UGT2B4: variants seen among roughly 807,000 people sequenced by gnomAD.
UGT2B4 encodes UDP glucuronosyltransferase family 2 member B4.
In UGT2B4, 49 loss-of-function variants were observed where a neutral mutation model predicts 49.8. The ratio of observed to expected loss-of-function variants is 0.98; its 90% CI spans 0.78 to 1.25. The LOEUF (loss-of-function observed/expected upper bound fraction) is 1.25, where lower values mean the gene tolerates loss of function less well. Ranked by LOEUF, UGT2B4 falls within the 50% of genes most tolerant of loss-of-function variation. The pLI is 0.00. For synonymous variants in UGT2B4, 246 were observed against 217.7 expected, an observed-to-expected ratio of 1.13 and a Z score of -1.14; for missense variants, 729 against 627.7, an observed-to-expected ratio of 1.16 and a Z score of -1.73.
intron 2 of UGT2B4, among the ~76,000 whole-genome samples, chr4:69,491,320 A>G (rs567258983): frequency 1.4e-4 from 22 of 151,990 alleles, no homozygotes; most frequent in Non-Finnish European, 2.6e-4. Flanking sequence ...TATGTTTTTA[A>G]TTATTCCTTA....
At chr4:69,489,731 G>A (rs1727924289) in intron 2 of UGT2B4, among the ~76,000 whole-genome samples, 161 bp from the exon 3 acceptor site, 1 of 151,932 alleles carries the variant, frequency 6.6e-6, no homozygotes, top group Non-Finnish European at 1.5e-5. Context: ...TTTGCAATAT[G>A]TATAATATGA....
upstream of UGT2B4, among the ~76,000 whole-genome samples, chr4:69,498,898 T>G (rs1728231647): frequency 6.6e-6 from 1 of 152,206 alleles, no homozygotes; most frequent in Non-Finnish European, 1.5e-5. Context: ...ATTTCTTGTC[T>G]TCTGCTAGCT....
intron 1 of UGT2B4, among the ~76,000 whole-genome samples, chr4:69,508,279 G>T (rs1728524283): frequency 6.6e-6 from 1 of 152,236 alleles, no homozygotes; most frequent in South Asian, 2.1e-4. Context: ...CAATCATCAT[G>T]GAAGACAGTG....
rs1577880911 is a variant in UGT2B4 at position 69,485,349 on chromosome 4, A to G, written c.1169T>C (p.Met390Thr). ...IYEAIYHGIP[M>T]VGVPLFADQP... Reference sequence around the variant, plus strand: ...ATCTGCAAACAATGGAACGCCCACCATAGGGATTCCATGGTAGATTGCCTC... The same window carrying G: ...ATCTGCAAACAATGGAACGCCCACCGTAGGGATTCCATGGTAGATTGCCTC... The change falls in exon 5 of 6, where the codon ATG becomes ACG. Residue 390 changes from methionine (M) to threonine (T), a missense_variant. Met to Thr is a moderately conservative substitution (Grantham distance 81, BLOSUM62 -1). Coordinates refer to ENST00000305107, the MANE Select transcript of UGT2B4 (RefSeq NM_021139.3). The G allele has an allele frequency of 3.7e-6, 6 of 1,613,914 alleles. No individual in the cohort carries two copies. The highest frequency in any genetic ancestry group is 5.1e-6 in the Non-Finnish European group (6 of 1,179,924).
rs1469808759 is a variant in UGT2B4 at position 69,493,861 on chromosome 4, GAA to G, written c.722-22_722-21del. On this transcript the variant is annotated intron_variant, in intron 1 of 5. Coordinates refer to ENST00000305107, the MANE Select transcript of UGT2B4 (RefSeq NM_021139.3). ...GTCTTCCTGATGGGGGAAAAAAAAA[GAA>G]AAGATAGATGACACAAGATAATTAA... The G allele has an allele frequency of 6.3e-7, 1 of 1,579,062 alleles. No individual in the cohort carries two copies. Among genetic ancestry groups the G allele is most frequent in the East Asian group, 2.3e-5 (1 of 43,154 alleles).
upstream of UGT2B4, among the ~76,000 whole-genome samples, chr4:69,500,606 GAAGAAAGA>G (rs61653936): frequency 8.1e-3 from 808 of 99,572 alleles, 11 homozygotes; most frequent in African/African-American, 0.018. Context: ...AGAAAGCAAG[GAAGAAAGA>G]AAGAAAGAAA....
intron 5 of UGT2B4, among the ~76,000 whole-genome samples, chr4:69,481,878 G>A (rs762824616): frequency 2.0e-5 from 3 of 152,076 alleles, no homozygotes; most frequent in African/African-American, 2.4e-5. Context: ...TGTTTCCCAC[G>A]CAGTAGCCAG....
intron 1 of UGT2B4, among the ~76,000 whole-genome samples, chr4:69,506,180 CA>C (rs1217272303): frequency 1.3e-5 from 2 of 150,700 alleles, no homozygotes; most frequent in Admixed American, 6.6e-5. Flanking sequence ...GAACCAAGAG[CA>C]AAAAAAATTC....
chr4:69,520,204 A>T (rs910585317), intron 1 of UGT2B4, among the ~76,000 whole-genome samples: 1 of 152,234 alleles, frequency 6.6e-6, no homozygotes, highest in African/African-American at 2.4e-5. Flanking sequence ...ACAATTACAG[A>T]CATTAGAAAA....
At chr4:69,524,701 G>GAA (rs5859187) in intron 1 of UGT2B4, among the ~76,000 whole-genome samples, 88,961 of 150,650 alleles carry the variant, frequency 0.59, 26,737 homozygotes, top group East Asian at 0.75. Context: ...CAACTTATGA[G>GAA]AAAAAAAAAC....
chr4:69,509,924 T>C (rs895296036), intron 1 of UGT2B4, among the ~76,000 whole-genome samples: 7 of 152,150 alleles, frequency 4.6e-5, no homozygotes, highest in Non-Finnish European at 8.8e-5. Flanking sequence ...TCAAAAAAAT[T>C]GTCCAGACCA....
chr4:69,513,998 AT>A lies in UGT2B4; in HGVS notation c.-106+11688del, dbSNP rs201309611. Among the ~76,000 whole-genome samples, 12 of 127,748 alleles carry A rather than the reference AT, an allele frequency of 9.4e-5. No individual in the cohort carries two copies. The East Asian group carries it at 1.5e-3, about 16-fold the overall frequency. The allele number at this position is 127,748 out of a possible 152,430, so 83.8% of individuals were successfully genotyped here. A position where few individuals can be genotyped will look rare whatever the true frequency, so the allele number is the denominator to read the frequency against. On this transcript the variant is annotated intron_variant, in intron 1 of 1. Transcript: ENST00000510114. ...GGCTGAGATGATGGGGTTTTATTTT[AT>A]TTTTTTTTAATTTTTTTTTATTACT...
At chr4:69,487,871 T>G (rs185498082) in intron 3 of UGT2B4, among the ~76,000 whole-genome samples, 1 of 152,162 alleles carries the variant, frequency 6.6e-6, no homozygotes, top group South Asian at 2.1e-4. Context: ...ATATGCTTTT[T>G]TAATGTATTT....
chr4:69,509,877 T>C (rs187949844), intron 1 of UGT2B4, among the ~76,000 whole-genome samples: 1 of 152,264 alleles, frequency 6.6e-6, no homozygotes, highest in African/African-American at 2.4e-5. Context: ...TCCACCTGTT[T>C]GTATTTGCTT....
At chr4:69,492,555 T>C (rs565659867) in intron 2 of UGT2B4, among the ~76,000 whole-genome samples, 4 of 152,248 alleles carry the variant, frequency 2.6e-5, no homozygotes, top group Middle Eastern at 3.4e-3. Context: ...ACCATAGGAC[T>C]TTGTTAGAGA....
At chr4:69,493,984 G>C in intron 1 of UGT2B4, 143 bp from the exon 2 acceptor site, 1 of 868,252 alleles carries the variant, frequency 1.2e-6, no homozygotes, top group African/African-American at 1.8e-5. Context: ...TCGTATATAG[G>C]CATAATTTAA....
At chr4:69,522,781 T>G (rs908130775) in intron 1 of UGT2B4, among the ~76,000 whole-genome samples, 1 of 152,196 alleles carries the variant, frequency 6.6e-6, no homozygotes, top group Non-Finnish European at 1.5e-5. Flanking sequence ...CATGCAATAG[T>G]GTCTGACAGC....
intron 2 of UGT2B4, among the ~76,000 whole-genome samples, chr4:69,492,507 A>T (rs1456420333): frequency 6.6e-6 from 1 of 152,106 alleles, no homozygotes; most frequent in Admixed American, 6.6e-5. Flanking sequence ...GATATGTCTT[A>T]TTTTAAACAA....
intron 1 of UGT2B4, among the ~76,000 whole-genome samples, chr4:69,502,916 G>A (rs1284683388): frequency 6.6e-6 from 1 of 152,118 alleles, no homozygotes; most frequent in Non-Finnish European, 1.5e-5. Context: ...CCTGGCTTGG[G>A]CCCACAGAAC....
Sources: allele counts gnomAD v4.1 joint callset (sites outside exome capture counted in the v4.1 genomes callset), GRCh38; gene constraint gnomAD v4.1.1; transcripts MANE v1.5; gene names NCBI Gene and HGNC (gene_info 2026-07-23, HGNC 2026-07-21).